PIEZO2: variants seen among roughly 807,000 people sequenced by gnomAD.
PIEZO2 encodes the protein piezo-type mechanosensitive ion channel component 2.
Under a neutral mutation model 337.3 loss-of-function variants are expected in PIEZO2, and 172 were observed. The observed-to-expected ratio is 0.51, with a 90% confidence interval of 0.45 to 0.58. The LOEUF is 0.58. Ranked by LOEUF, PIEZO2 falls within the 20% of genes least tolerant of loss-of-function variation. The pLI is 0.00. For synonymous variants in PIEZO2, 1,251 were observed against 1,228.5 expected, an observed-to-expected ratio of 1.02 and a Z score of -0.38; for missense variants, 3,028 against 3,391.3, an observed-to-expected ratio of 0.89 and a Z score of 2.66.
At chr18:11,073,886 G>A (rs1377515483) in intron 1 of PIEZO2, among the ~76,000 whole-genome samples, 2 of 139,910 alleles carry the variant, frequency 1.4e-5, no homozygotes, top group African/African-American at 2.6e-5. Flanking sequence ...TGGCTCTGTC[G>A]CCCAGGCTGG....
intron 11 of PIEZO2, 139 bp from the exon 12 acceptor site, chr18:10,797,661 C>A: frequency 7.3e-7 from 1 of 1,363,950 alleles, no homozygotes; most frequent in Non-Finnish European, 9.7e-7. Context: ...ATTCATAAAG[C>A]CCTTAAAATT....
intron 32 of PIEZO2, 71 bp downstream of exon 32, chr18:10,742,423 T>A: frequency 2.7e-6 from 4 of 1,476,982 alleles, no homozygotes; most frequent in Non-Finnish European, 3.6e-6. Context: ...AATGTTATTT[T>A]ACAGCCCTGC....
At chr18:11,144,711 C>T (rs1457863636) in intron 1 of PIEZO2, among the ~76,000 whole-genome samples, 1 of 152,156 alleles carries the variant, frequency 6.6e-6, no homozygotes, top group African/African-American at 2.4e-5. Flanking sequence ...TTGGTTGATT[C>T]TTGTTTGTGG....
chr18:10,926,949 A>T (rs1264001983), intron 3 of PIEZO2, among the ~76,000 whole-genome samples: 1 of 152,204 alleles, frequency 6.6e-6, no homozygotes, highest in East Asian at 1.9e-4. Flanking sequence ...TGAAACAGAC[A>T]CTTCCTGCCG....
chr18:10,923,878 A>C (rs2031570335), intron 3 of PIEZO2, among the ~76,000 whole-genome samples: 1 of 152,208 alleles, frequency 6.6e-6, no homozygotes. Context: ...ATATTGGGAC[A>C]CGTGCTGTAG....
intron 27 of PIEZO2, 97 bp downstream of exon 27, chr18:10,757,872 A>T: frequency 8.0e-7 from 1 of 1,251,438 alleles, no homozygotes. Context: ...AATTCAGCAG[A>T]TCTGTTTCCC....
At chr18:10,966,108 C>T (rs2033985939) in intron 3 of PIEZO2, among the ~76,000 whole-genome samples, 1 of 152,194 alleles carries the variant, frequency 6.6e-6, no homozygotes. Context: ...CCCTCATTGA[C>T]ACCTGGAGTT....
Position 11,027,933 on chromosome 18 carries a change from A to T in PIEZO2, c.160+38194T>A, listed in dbSNP as rs1030640489. Reference sequence around the variant, plus strand: ...TATACTAGAAGAGCCTTCGTAGAGTACTCTTTGATAAATTCTTCAAACACT... The same window carrying T: ...TATACTAGAAGAGCCTTCGTAGAGTTCTCTTTGATAAATTCTTCAAACACT... On this transcript the variant is annotated intron_variant, in intron 2 of 55. Transcript: ENST00000674853. This position sits in a 1 kb window ranked among gnomAD's most constrained non-coding sequence, Gnocchi z 4.2. Among the ~76,000 whole-genome samples the T allele has an allele frequency of 6.6e-6, 1 of 152,232 alleles. No homozygotes were observed. The highest frequency in any genetic ancestry group is 1.5e-5 in the Non-Finnish European group (1 of 68,046).
Position 11,033,261 on chromosome 18 carries a change from T to A in PIEZO2, c.160+32866A>T, listed in dbSNP as rs2036805412. Among the ~76,000 whole-genome samples, 1 of 152,206 alleles carries A rather than the reference T, an allele frequency of 6.6e-6. No individual in the cohort carries two copies. The highest frequency in any genetic ancestry group is 2.4e-5 in the African/African-American group (1 of 41,460). ...CTTACCTAAAGCCCTAAGGCTGGCC[T>A]ATGGAGAAGGCAGGATCTGACTCTA... On this transcript the variant is annotated intron_variant, in intron 2 of 55. Coordinates refer to ENST00000674853, the MANE Select transcript of PIEZO2 (RefSeq NM_001378183.1). The surrounding 1 kb of genome is among the most constrained non-coding windows in gnomAD (Gnocchi z 4.2).
At chr18:10,708,964 C>T (rs2035704090) in intron 39 of PIEZO2, among the ~76,000 whole-genome samples, 1 of 152,124 alleles carries the variant, frequency 6.6e-6, no homozygotes, top group Admixed American at 6.6e-5. Flanking sequence ...TGACAACAAA[C>T]TGAATTTTGC....
chr18:11,140,743 G>T (rs1470689722), intron 1 of PIEZO2, among the ~76,000 whole-genome samples: 1 of 152,182 alleles, frequency 6.6e-6, no homozygotes, highest in Non-Finnish European at 1.5e-5. Flanking sequence ...GCCACAGACC[G>T]ACTTTTCCCA....
In PIEZO2 at chr18:10,846,424, A is replaced by G. The variant is rs1276544183; in HGVS notation, c.917+8929T>C. On this transcript the variant is annotated intron_variant, in intron 7 of 55. Transcript: ENST00000674853. The surrounding 1 kb of genome is among the most constrained non-coding windows in gnomAD (Gnocchi z 4.1). ...GGTCATAGCAAAACCTATCACTTAG[A>G]GTTCAAGAAAATCAAGTTTTACATT... Among the ~76,000 whole-genome samples the G allele has an allele frequency of 6.6e-6, 1 of 152,250 alleles. No homozygotes were observed. The highest frequency in any genetic ancestry group is 1.9e-4 in the East Asian group (1 of 5,206).
rs532340890 is a variant in PIEZO2, at chr18:11,104,885, G to T, written c.65-38663C>A. ...GTCCTAGGTGTGACTGGATGTGACTGGGTCTGGCTAATGAGGCCCCCTCCC... is the reference window on the plus strand; with the variant it reads ...GTCCTAGGTGTGACTGGATGTGACTTGGTCTGGCTAATGAGGCCCCCTCCC... On this transcript the variant is annotated intron_variant, in intron 1 of 55. Transcript: ENST00000674853. This position sits in a 1 kb window ranked among gnomAD's most constrained non-coding sequence, Gnocchi z 4.6. Among the ~76,000 whole-genome samples the T allele has an allele frequency of 6.6e-6, 1 of 152,094 alleles. No individual in the cohort carries two copies. The highest frequency in any genetic ancestry group is 1.5e-5 in the Non-Finnish European group (1 of 68,022).
At chr18:11,134,814 A>G (rs1453955606) in intron 1 of PIEZO2, among the ~76,000 whole-genome samples, 1 of 152,156 alleles carries the variant, frequency 6.6e-6, no homozygotes, top group Non-Finnish European at 1.5e-5. Flanking sequence ...AAAATAAATA[A>G]AAATGTTTCC....
At chr18:10,802,319 T>C (rs982666369) in intron 9 of PIEZO2, among the ~76,000 whole-genome samples, 2 of 152,174 alleles carry the variant, frequency 1.3e-5, no homozygotes, top group African/African-American at 4.8e-5. Flanking sequence ...TTCTTAAAAA[T>C]CACTGAGGGT....
At chr18:10,966,390 T>C (rs1264952693) in intron 3 of PIEZO2, among the ~76,000 whole-genome samples, 1 of 152,192 alleles carries the variant, frequency 6.6e-6, no homozygotes, top group Non-Finnish European at 1.5e-5. Flanking sequence ...CACAACAGTT[T>C]CCTGCTGCCA....
In PIEZO2 at chr18:10,691,402, G is replaced by A; in HGVS notation, c.7191-19C>T. ...GAATTTCCTAAAATGTAAAAGTACA[G>A]AAAGTGAAGCAATGAAATACTCTTC... On this transcript the variant is annotated intron_variant, in intron 47 of 55. Coordinates refer to ENST00000674853, the MANE Select transcript of PIEZO2 (RefSeq NM_001378183.1). 6.2e-7 allele frequency: 1 copy of A among 1,607,998 alleles called. No homozygotes were observed. The highest frequency in any genetic ancestry group is 8.5e-7 in the Non-Finnish European group (1 of 1,176,286).
intron 3 of PIEZO2, among the ~76,000 whole-genome samples, chr18:10,941,909 G>A (rs370517389): frequency 6.9e-4 from 105 of 152,290 alleles, no homozygotes; most frequent in African/African-American, 2.5e-3. Context: ...GGAGATGACT[G>A]AATCATGGGG....
chr18:11,001,087 A>G lies in PIEZO2; in HGVS notation c.161-21427T>C, dbSNP rs2035515600. Among the ~76,000 whole-genome samples, 1 of 152,218 alleles carries G rather than the reference A, an allele frequency of 6.6e-6. No individual in the cohort carries two copies. The highest frequency in any genetic ancestry group is 2.1e-4 in the South Asian group (1 of 4,832). On this transcript the variant is annotated intron_variant, in intron 2 of 55. Transcript: ENST00000674853. This position sits in a 1 kb window ranked among gnomAD's most constrained non-coding sequence, Gnocchi z 5.3. Reference sequence around the variant, plus strand: ...GAGTCATGAGTCAACCACCCCTGGAACCTGGAAGAATATGTGTCTTGGTCA... The same window carrying G: ...GAGTCATGAGTCAACCACCCCTGGAGCCTGGAAGAATATGTGTCTTGGTCA...
Sources: gnomAD v4.1 joint callset for allele counts (sites outside exome capture counted in the v4.1 genomes callset) on GRCh38, gnomAD v4.1.1 for gene constraint, Gnocchi (gnomAD v3.1) non-coding constraint, MANE v1.5 for transcripts, NCBI Gene and HGNC (gene_info 2026-07-23, HGNC 2026-07-21) for gene names.